FGF7: variants seen among roughly 807,000 people sequenced by gnomAD.
FGF7 encodes FGF-7.
In FGF7, 6 loss-of-function variants were observed where a neutral mutation model predicts 20.5. The observed-to-expected ratio is 0.29, with a 90% CI of 0.16 to 0.58. FGF7 has a LOEUF of 0.58. FGF7 is among the 20% of genes least tolerant of loss of function. The pLI is 0.90. For missense variants in FGF7, 144 were observed against 228.8 expected (o/e 0.63, Z 2.39); for synonymous variants, 64 against 74.7 (o/e 0.86, Z 0.74).
At chr15:49,460,333 C>G (rs376112386) in intron 2 of FGF7, among the ~76,000 whole-genome samples, 1 of 152,210 alleles carries the variant, frequency 6.6e-6, no homozygotes, top group Admixed American at 6.5e-5. Context: ...AACATATAGC[C>G]ATGCTTATGG....
intron 2 of FGF7, among the ~76,000 whole-genome samples, chr15:49,478,282 C>A (rs1400510612): frequency 6.6e-6 from 1 of 151,828 alleles, no homozygotes; most frequent in South Asian, 2.1e-4. Flanking sequence ...TGCTTATTTG[C>A]CCTTTGTGTA....
At chr15:49,437,173 TATATTAA>T (rs1308377696) in intron 2 of FGF7, among the ~76,000 whole-genome samples, 2 of 151,532 alleles carry the variant, frequency 1.3e-5, no homozygotes, top group Non-Finnish European at 3.0e-5. Context: ...ACATATATTA[TATATTAA>T]ATTGTATATA....
chr15:49,451,385 T>C (rs16962486), intron 2 of FGF7, among the ~76,000 whole-genome samples: 46,745 of 151,794 alleles, frequency 0.31, 7,638 homozygotes, highest in East Asian at 0.51. Flanking sequence ...AAGTGTTGAA[T>C]AGTATATATT....
At chr15:49,447,198 A>G (rs2052302664) in intron 2 of FGF7, among the ~76,000 whole-genome samples, 1 of 151,648 alleles carries the variant, frequency 6.6e-6, no homozygotes, top group South Asian at 2.1e-4. Flanking sequence ...TATATAATCC[A>G]CCAGGCCCAT....
chr15:49,446,110 G>T (rs2052182090), intron 2 of FGF7, among the ~76,000 whole-genome samples: 1 of 151,548 alleles, frequency 6.6e-6, no homozygotes, highest in African/African-American at 2.4e-5. Context: ...AAGTAAAGAT[G>T]AAGTAATTAG....
At chr15:49,439,069 T>C (rs1056722933) in intron 2 of FGF7, among the ~76,000 whole-genome samples, 1 of 151,724 alleles carries the variant, frequency 6.6e-6, no homozygotes, top group Non-Finnish European at 1.5e-5. Flanking sequence ...GCAATCAAAC[T>C]GTCAGCTAGG....
chr15:49,482,560 T>G (rs2056050354), intron 2 of FGF7, among the ~76,000 whole-genome samples: 1 of 152,070 alleles, frequency 6.6e-6, no homozygotes, highest in South Asian at 2.1e-4. Context: ...TCAAGAGCTA[T>G]TCTGTTGGCA....
rs931685557 is a variant in FGF7 at position 49,486,001 on chromosome 15, A to G, written c.*1497A>G. 3.3e-5 allele frequency: 5 copies of G among 152,030 alleles called. No homozygotes were observed. Among genetic ancestry groups the G allele is most frequent in the Admixed American group, 1.3e-4 (2 of 15,208 alleles). The allele number at this position is 152,030 out of a possible 1,614,324, so 9.4% of individuals were successfully genotyped here. A position where few individuals can be genotyped will look rare whatever the true frequency, so the allele number is the denominator to read the frequency against. ...ATGAAGGCTTGAGGTCAGCCTACAG[A>G]TAACAGGATTATTACAAGGATGAAT... On this transcript the variant is annotated 3_prime_UTR_variant, in exon 4 of 4. Coordinates refer to ENST00000267843, the MANE Select transcript of FGF7 (RefSeq NM_002009.4).
At chr15:49,467,084 AG>A (rs777251344) in intron 2 of FGF7, among the ~76,000 whole-genome samples, 14 of 152,120 alleles carry the variant, frequency 9.2e-5, no homozygotes, top group Non-Finnish European at 1.9e-4. Context: ...TTAAAGAGGG[AG>A]GGAAGAAAGA....
In FGF7 at chr15:49,487,130, T is replaced by A. The variant is rs548267441; in HGVS notation, c.*2626T>A. On this transcript the variant is annotated 3_prime_UTR_variant, in exon 4 of 4. Transcript: ENST00000267843. ...GACTATGTCTTGGCAATGCACTTCA[T>A]ACACAATGACTAATCTATACTGTGA... The A allele has an allele frequency of 1.1e-3, 171 of 152,038 alleles. No individual in the cohort carries two copies. Among genetic ancestry groups the A allele is most frequent in the African/African-American group, 3.7e-3 (155 of 41,540 alleles). The allele number at this position is 152,038 out of a possible 1,614,324, so 9.4% of individuals were successfully genotyped here.
At chr15:49,483,397 G>A (rs11853248) in intron 3 of FGF7, 143 bp downstream of exon 3, 158,338 of 553,076 alleles carry the variant, frequency 0.29, 24,958 homozygotes, top group Non-Finnish European at 0.34. Context: ...ATACTCAAAC[G>A]TTAAGAAAAA....
At position 49,456,951 on chromosome 15, in the gene FGF7, G is replaced by A. The variant is rs191667905; in HGVS notation, c.287-26200G>A. Among the ~76,000 whole-genome samples, 466 of 152,180 alleles carry A rather than the reference G, an allele frequency of 3.1e-3. 6 individuals are homozygous for A. Among genetic ancestry groups the A allele is most frequent in the African/African-American group, 0.011 (445 of 41,568 alleles). On this transcript the variant is annotated intron_variant, in intron 2 of 3. Coordinates refer to ENST00000267843, the MANE Select transcript of FGF7 (RefSeq NM_002009.4). ...TAAAAAGATACCTTCATATTATAGA[G>A]AAGGGAACTTAGAATTGAAAAAGTT...
chr15:49,485,234 T>TAC lies in FGF7; in HGVS notation c.*731_*732dup, dbSNP rs60927272. The stretch of plus-strand genomic sequence containing the variant: ...GCAACAGTGATTGATGATAATACTG[T>TAC]ACTTCATCTTACTTGCCACAAAATA... On this transcript the variant is annotated 3_prime_UTR_variant, in exon 4 of 4. Coordinates refer to ENST00000267843, the MANE Select transcript of FGF7 (RefSeq NM_002009.4). 1,471 of 152,502 alleles carry TAC rather than the reference T, an allele frequency of 9.6e-3. 24 individuals carry two copies. The highest frequency in any genetic ancestry group is 0.034 in the African/African-American group (1,413 of 41,526). The allele number at this position is 152,502 out of a possible 1,614,324, so 9.4% of individuals were successfully genotyped here.
At chr15:49,464,168 G>A (rs1383453413) in intron 2 of FGF7, among the ~76,000 whole-genome samples, 1 of 152,064 alleles carries the variant, frequency 6.6e-6, no homozygotes, top group Non-Finnish European at 1.5e-5. Context: ...GAGGGTGTAG[G>A]GAGGGTAGGT....
intron 2 of FGF7, among the ~76,000 whole-genome samples, chr15:49,451,471 CTATATGTATATAT>C (rs1372796667): frequency 6.6e-6 from 1 of 151,944 alleles, no homozygotes; most frequent in Non-Finnish European, 1.5e-5. Flanking sequence ...TTGCTTAAAT[CTATATGTATATAT>C]AGATTATAAC....
rs35073573 is a variant in FGF7 at position 49,485,295 on chromosome 15, CT to C, written c.*794del. The stretch of plus-strand genomic sequence containing the variant: ...AATCCTCAAAGTAAAATTGAGAAAT[CT>C]TTAAGTTTTTTTCAAGTAACATAAT... On this transcript the variant is annotated 3_prime_UTR_variant, in exon 4 of 4. Transcript: ENST00000267843. 1 of 152,176 alleles carries C rather than the reference CT, an allele frequency of 6.6e-6. No homozygotes were observed. Among genetic ancestry groups the C allele is most frequent in the Non-Finnish European group, 1.5e-5 (1 of 67,888 alleles). 9.4% of individuals were successfully genotyped at this position (152,176 alleles called of 1,614,324 possible).
chr15:49,470,301 T>C (rs1163381591), intron 2 of FGF7, among the ~76,000 whole-genome samples: 1 of 152,136 alleles, frequency 6.6e-6, no homozygotes, highest in East Asian at 1.9e-4. Flanking sequence ...ACACTATCAT[T>C]ATCACTATAT....
intron 2 of FGF7, among the ~76,000 whole-genome samples, chr15:49,461,135 C>T (rs2151927821): frequency 6.6e-6 from 1 of 152,298 alleles, no homozygotes; most frequent in East Asian, 1.9e-4. Flanking sequence ...TGAACTTCTT[C>T]TTCCTATCTG....
chr15:49,444,481 T>C (rs1273231135), intron 2 of FGF7, among the ~76,000 whole-genome samples: 2 of 151,756 alleles, frequency 1.3e-5, no homozygotes, highest in Non-Finnish European at 1.5e-5. Context: ...GACAAAGAAA[T>C]AACATTGAAA....
Sources: gnomAD v4.1 joint callset for allele counts (sites outside exome capture counted in the v4.1 genomes callset) on GRCh38, gnomAD v4.1.1 for gene constraint, MANE v1.5 for transcripts, NCBI Gene and HGNC (gene_info 2026-07-23, HGNC 2026-07-21) for gene names.